The following DMD variants were observed in gnomAD, a reference collection of about 807,000 sequenced individuals.
DMD encodes dystrophin, also known as mutant dystrophin.
A neutral mutation model predicts 330.1 loss-of-function variants in DMD; 63 were observed. The ratio of observed to expected loss-of-function variants is 0.19; its 90% CI spans 0.16 to 0.24. The LOEUF is 0.24. Among genes scored for constraint, DMD ranks in the 10% least tolerant of loss-of-function variants. The probability of loss-of-function intolerance (pLI) is 1.00; values close to 1 mark genes in which losing one functional copy is unlikely to be tolerated. For missense variants in DMD, 3,344 were observed against 2,684.1 expected, an observed-to-expected ratio of 1.25 and a Z score of -5.43; for synonymous variants, 1,223 against 959.8, an observed-to-expected ratio of 1.27 and a Z score of -5.07.
chrX:31,284,853 CACACA>C (rs2053061419), intron 62 of DMD, among the ~76,000 whole-genome samples: 1 of 107,930 alleles, frequency 9.3e-6, no homozygotes, highest in African/African-American at 3.4e-5. Flanking sequence ...CACACACACA[CACACA>C]CACACCCACA....
chrX:32,897,493 G>GA (rs1201868714), intron 2 of DMD, among the ~76,000 whole-genome samples: 2 of 111,514 alleles, frequency 1.8e-5, no homozygotes, highest in Non-Finnish European at 3.8e-5. Context: ...CTTATTGGTG[G>GA]AATCTTTCAT....
intron 55 of DMD, among the ~76,000 whole-genome samples, chrX:31,591,775 A>G (rs2076884362): frequency 9.0e-6 from 1 of 111,478 alleles, no homozygotes; most frequent in African/African-American, 3.2e-5. Flanking sequence ...AAATAGGCTC[A>G]AATGTTTTAA....
intron 2 of DMD, among the ~76,000 whole-genome samples, chrX:32,867,744 T>G (rs1484154193): frequency 8.9e-6 from 1 of 111,923 alleles, no homozygotes; most frequent in African/African-American, 3.2e-5. Context: ...AAGTGGAAAC[T>G]ATCAAATAGT....
chrX:31,879,212 G>GGT lies in DMD; in HGVS notation c.6913-3840_6913-3839insAC, dbSNP rs1556965861. ...ATGGACTCACCATTCTACATGGCGG[G>GGT]GGGGGGCCTCACAATCATGGCAGAA... On this transcript the variant is annotated intron_variant, in intron 47 of 78. Transcript: ENST00000357033. 0.049 allele frequency among the ~76,000 whole-genome samples: 5,024 copies of GGT among 102,915 alleles called. 341 individuals are homozygous for GGT. The highest frequency in any genetic ancestry group is 0.16 in the African/African-American group (4,735 of 29,159). The allele number at this position is 102,915 out of a possible 115,157, so 89.4% of individuals were successfully genotyped here.
chrX:31,241,805 T>C (rs902860724), intron 63 of DMD, among the ~76,000 whole-genome samples: 3 of 111,260 alleles, frequency 2.7e-5, no homozygotes, highest in Non-Finnish European at 5.7e-5. Context: ...CCCACCAAAT[T>C]CCTATTCCAA....
chrX:33,002,951 C>T (rs2093320551), intron 2 of DMD, among the ~76,000 whole-genome samples: 1 of 105,033 alleles, frequency 9.5e-6, no homozygotes, highest in African/African-American at 3.5e-5. Flanking sequence ...AACAGAGCAA[C>T]ACATGAAAAT....
chrX:32,845,161 C>T (rs944981092), intron 3 of DMD, among the ~76,000 whole-genome samples: 1 of 111,705 alleles, frequency 9.0e-6, no homozygotes, highest in Non-Finnish European at 1.9e-5. Context: ...ATGACAGAAA[C>T]ATCAGCATGC....
At chrX:32,726,982 G>A (rs1443530762) in intron 7 of DMD, among the ~76,000 whole-genome samples, 2 of 110,369 alleles carry the variant, frequency 1.8e-5, no homozygotes, top group Non-Finnish European at 3.8e-5. Context: ...TCTTGGAGAT[G>A]GTAGATTCAT....
At chrX:31,213,151 T>TCTTTG (rs1211744076) in intron 64 of DMD, among the ~76,000 whole-genome samples, 1 of 112,436 alleles carries the variant, frequency 8.9e-6, no homozygotes, top group African/African-American at 3.2e-5. Context: ...TTCAAGAAAG[T>TCTTTG]CAATGCACTT....
intron 1 of DMD, among the ~76,000 whole-genome samples, chrX:33,081,000 AC>A (rs1569553104): frequency 4.0e-3 from 426 of 106,268 alleles, no homozygotes; most frequent in Non-Finnish European, 6.1e-3. Context: ...ACACACACAC[AC>A]ACACACAAAA....
In DMD at chrX:33,175,163, C is replaced by G. The variant is rs184618171; in HGVS notation, c.31+36119G>C. 3.0e-3 allele frequency among the ~76,000 whole-genome samples: 337 copies of G among 112,052 alleles called. 2 individuals are homozygous for G. The highest frequency in any genetic ancestry group is 0.01 in the African/African-American group (318 of 30,849). On this transcript the variant is annotated intron_variant, in intron 1 of 78. Transcript: ENST00000357033. ...TGGGTTATCAGAACAATCAAAGAAGCTATCTGATTACTGGAGGAGAGACTG... is the reference window on the plus strand; with the variant it reads ...TGGGTTATCAGAACAATCAAAGAAGGTATCTGATTACTGGAGGAGAGACTG...
chrX:33,178,239 A>T (rs2049782096), intron 1 of DMD, among the ~76,000 whole-genome samples: 1 of 112,042 alleles, frequency 8.9e-6, no homozygotes, highest in Admixed American at 9.5e-5. Context: ...AAACCCTTTC[A>T]CTCTGCTGGA....
intron 1 of DMD, among the ~76,000 whole-genome samples, chrX:33,172,140 T>C (rs942300392): frequency 9.0e-6 from 1 of 111,407 alleles, no homozygotes; most frequent in East Asian, 2.8e-4. Flanking sequence ...GTCTATTATA[T>C]GGCTGGCTAT....
At chrX:32,262,694 C>T (rs1375180699) in intron 43 of DMD, among the ~76,000 whole-genome samples, 2 of 110,598 alleles carry the variant, frequency 1.8e-5, no homozygotes, top group Non-Finnish European at 3.8e-5. Flanking sequence ...CTCCCAGTTG[C>T]TGGGATTGTT....
intron 76 of DMD, among the ~76,000 whole-genome samples, chrX:31,139,141 G>C (rs1052532383): frequency 9.0e-6 from 1 of 111,503 alleles, no homozygotes; most frequent in African/African-American, 3.3e-5. Flanking sequence ...ACTCCAAGGT[G>C]ATTTCCACAA....
chrX:32,342,189 C>A lies in DMD; in HGVS notation c.5833G>T (p.Val1945Leu), dbSNP rs2097747140. 8.3e-7 allele frequency: 1 copy of A among 1,211,017 alleles called. No homozygotes were observed. Among genetic ancestry groups the A allele is most frequent in the Non-Finnish European group, 1.1e-6 (1 of 894,927 alleles). The change falls in exon 41 of 79, where the codon GTG becomes TTG. Residue 1945 changes from valine (V) to leucine (L), a missense_variant. By Grantham distance (32) the Val-to-Leu change is conservative (BLOSUM62 1). Coordinates refer to ENST00000357033, the MANE Select transcript of DMD (RefSeq NM_004006.3). ...CTGAGCTGGATCTGAGTTGGCTCCA[C>A]TGCCATTGCGGCCCCATCCTCAGAC... is the stretch of plus-strand genomic sequence containing the variant. ...GLSEDGAAMAVEPTQIQLSKR... is the reference protein window; with the variant it reads ...GLSEDGAAMALEPTQIQLSKR...
chrX:31,980,963 C>G (rs1346647808), intron 44 of DMD, among the ~76,000 whole-genome samples: 1 of 112,146 alleles, frequency 8.9e-6, no homozygotes, highest in Non-Finnish European at 1.9e-5. Flanking sequence ...TACTTTCTCT[C>G]TCTTACTTCA....
At chrX:33,115,362 G>C (rs1330699280) in intron 1 of DMD, among the ~76,000 whole-genome samples, 1 of 111,017 alleles carries the variant, frequency 9.0e-6, no homozygotes, top group South Asian at 3.8e-4. Context: ...CATAGACAAG[G>C]GGATAATTTT....
At chrX:32,979,670 T>TC (rs2092649359) in intron 2 of DMD, among the ~76,000 whole-genome samples, 1 of 111,827 alleles carries the variant, frequency 8.9e-6, no homozygotes, top group African/African-American at 3.2e-5. Context: ...AGAAGAAGCT[T>TC]CACACCTTTG....
Sources: allele counts gnomAD v4.1 joint callset (sites outside exome capture counted in the v4.1 genomes callset), GRCh38; gene constraint gnomAD v4.1.1; transcripts MANE v1.5; gene names NCBI Gene and HGNC (gene_info 2026-07-23, HGNC 2026-07-21).